Variants in SORBS2 observed in about 807,000 individuals in gnomAD.
SORBS2 encodes sorbin and SH3 domain containing 2.
In SORBS2, 46 loss-of-function variants were observed where a neutral mutation model predicts 97.7. That is an observed-to-expected ratio of 0.47 (90% CI 0.37 to 0.60). SORBS2 has a LOEUF of 0.60. Among genes scored for constraint, SORBS2 ranks in the 20% least tolerant of loss-of-function variants. The pLI, the probability that SORBS2 is intolerant of heterozygous loss-of-function variation, is 0.00. For missense variants in SORBS2, 1,316 were observed against 1,282.3 expected (o/e 1.03, Z -0.40); for synonymous variants, 476 against 473.4 (o/e 1.01, Z -0.07).
At chr4:185,850,478 T>C (rs2149683313) in intron 1 of SORBS2, among the ~76,000 whole-genome samples, 1 of 152,304 alleles carries the variant, frequency 6.6e-6, no homozygotes, top group South Asian at 2.1e-4. Flanking sequence ...TATCCTGGCA[T>C]CACTGGCCTT....
chr4:185,598,596 G>GTT (rs1271256646), intron 12 of SORBS2, among the ~76,000 whole-genome samples: 1 of 152,180 alleles, frequency 6.6e-6, no homozygotes, highest in African/African-American at 2.4e-5. Flanking sequence ...AGGATTGACT[G>GTT]TTACTTTAAA....
At chr4:185,867,895 C>T (rs1293448714) in intron 1 of SORBS2, among the ~76,000 whole-genome samples, 4 of 152,108 alleles carry the variant, frequency 2.6e-5, no homozygotes, top group Non-Finnish European at 5.9e-5. Flanking sequence ...AGCTAACCCT[C>T]AGGGGTCCCA....
Position 185,760,905 on chromosome 4 carries a change from T to C in SORBS2, c.-198+14322A>G, listed in dbSNP as rs372237990. ...TCCTACTCGGAATAATCTGTCACCA[T>C]GTTAGCAGAGCAGAAAACATTTCAT... is the stretch of plus-strand genomic sequence containing the variant. On this transcript the variant is annotated intron_variant, in intron 2 of 20. Transcript: ENST00000284776. 1.8e-4 allele frequency among the ~76,000 whole-genome samples: 28 copies of C among 152,394 alleles called. No individual in the cohort carries two copies. In the East Asian group the frequency reaches 4.6e-3, roughly 25 times the overall value.
At chr4:185,666,877 TG>T (rs1322028116) in intron 4 of SORBS2, among the ~76,000 whole-genome samples, 3 of 152,200 alleles carry the variant, frequency 2.0e-5, no homozygotes, top group Non-Finnish European at 4.4e-5. Context: ...GTTAGAACTA[TG>T]GTTGGCACTA....
intron 1 of SORBS2, among the ~76,000 whole-genome samples, chr4:185,795,040 G>T (rs908294898): frequency 1.3e-5 from 2 of 152,188 alleles, no homozygotes; most frequent in African/African-American, 4.8e-5. Flanking sequence ...AACACAAGTA[G>T]TGTGTATAGG....
At chr4:185,834,462 A>ATT (rs891376759) in intron 1 of SORBS2, among the ~76,000 whole-genome samples, 1 of 152,300 alleles carries the variant, frequency 6.6e-6, no homozygotes, top group African/African-American at 2.4e-5. Flanking sequence ...GCAAAAAAAA[A>ATT]TATACCCTAC....
At chr4:185,730,726 G>T (rs56054115) in intron 2 of SORBS2, among the ~76,000 whole-genome samples, 17,818 of 152,278 alleles carry the variant, frequency 0.12, 1,455 homozygotes, top group South Asian at 0.22. Context: ...AAGGGAACAG[G>T]TCAGCCCCTA....
chr4:185,886,490 G>T (rs2099239577), intron 1 of SORBS2, among the ~76,000 whole-genome samples: 1 of 144,962 alleles, frequency 6.9e-6, no homozygotes, highest in South Asian at 2.2e-4. Flanking sequence ...GGGAGGCGGA[G>T]GTTGCAGTGA....
chr4:185,692,717 T>A (rs930338413), intron 2 of SORBS2, among the ~76,000 whole-genome samples: 2 of 152,176 alleles, frequency 1.3e-5, no homozygotes, highest in African/African-American at 4.8e-5. Flanking sequence ...TTAAGTCCTA[T>A]GAAATATAAT....
chr4:185,868,312 ATG>A (rs1375318111), intron 1 of SORBS2, among the ~76,000 whole-genome samples: 1 of 151,276 alleles, frequency 6.6e-6, no homozygotes, highest in Non-Finnish European at 1.5e-5. Context: ...GTGTGCCACC[ATG>A]CCCAGCTAAT....
exon 14 of SORBS2, chr4:185,589,699 C>T (rs1321866164): frequency 4.3e-6 from 7 of 1,609,390 alleles, no homozygotes; most frequent in Middle Eastern, 1.6e-4. Context: ...GCCGTCATCA[C>T]ACTTTTCCAT....
intron 1 of SORBS2, among the ~76,000 whole-genome samples, chr4:185,906,509 A>G (rs1392629397): frequency 6.6e-6 from 1 of 152,248 alleles, no homozygotes; most frequent in Non-Finnish European, 1.5e-5. Context: ...CAAAACATTT[A>G]AAATCATTTT....
At chr4:185,683,190 T>C (rs1036742216) in intron 2 of SORBS2, among the ~76,000 whole-genome samples, 6 of 151,998 alleles carry the variant, frequency 3.9e-5, no homozygotes, top group Admixed American at 2.0e-4. Context: ...TACATTGTTA[T>C]TACTGAAGAT....
At chr4:185,593,249 G>A (rs911125939) in intron 13 of SORBS2, 1 of 152,290 alleles carries the variant, frequency 6.6e-6, no homozygotes, top group Non-Finnish European at 1.5e-5. Context: ...GGGACAAAAT[G>A]GGCCCGAAAA....
At chr4:185,909,897 T>C (rs1483139159) in intron 1 of SORBS2, among the ~76,000 whole-genome samples, 1 of 150,434 alleles carries the variant, frequency 6.6e-6, no homozygotes, top group African/African-American at 2.5e-5. Context: ...GGCAGGAGAA[T>C]TGCTTGAACC....
At chr4:185,672,662 C>A (rs533569344) in intron 4 of SORBS2, among the ~76,000 whole-genome samples, 28 of 152,244 alleles carry the variant, frequency 1.8e-4, no homozygotes, top group Non-Finnish European at 3.2e-4. Flanking sequence ...AATTAATGAG[C>A]AGACATTAAT....
intron 2 of SORBS2, among the ~76,000 whole-genome samples, chr4:185,705,339 A>C (rs944745446): frequency 6.6e-6 from 1 of 152,190 alleles, no homozygotes; most frequent in African/African-American, 2.4e-5. Context: ...AATTTCTTAG[A>C]GATCAAGACC....
intron 2 of SORBS2, among the ~76,000 whole-genome samples, chr4:185,697,389 T>A (rs1435874412): frequency 6.6e-6 from 1 of 152,192 alleles, no homozygotes; most frequent in Non-Finnish European, 1.5e-5. Flanking sequence ...CTTAGCAACA[T>A]GTTGGAATTG....
intron 1 of SORBS2, 81 bp from the exon 1 acceptor site, chr4:185,812,275 G>C (rs1019541328): frequency 6.6e-6 from 1 of 152,192 alleles, no homozygotes; most frequent in African/African-American, 2.4e-5. Flanking sequence ...CTGGCTTTTC[G>C]TAGCCATAGC....
Sources: gnomAD v4.1 joint callset for allele counts (sites outside exome capture counted in the v4.1 genomes callset) on GRCh38, gnomAD v4.1.1 for gene constraint, MANE v1.5 for transcripts, NCBI Gene and HGNC (gene_info 2026-07-23, HGNC 2026-07-21) for gene names.